The following PCDHA13 variants were observed in gnomAD, a reference collection of about 807,000 sequenced individuals.
The protein encoded by PCDHA13 is protocadherin alpha 13.
A neutral mutation model predicts 64.8 loss-of-function variants in PCDHA13; 54 were observed. The ratio of observed to expected loss-of-function variants is 0.83; its 90% confidence interval spans 0.67 to 1.04. The LOEUF (loss-of-function observed/expected upper bound fraction) is 1.04. PCDHA13 is among the 50% of genes least tolerant of loss of function. The probability of loss-of-function intolerance (pLI) is 0.00; values close to 1 mark genes in which losing one functional copy is unlikely to be tolerated. For synonymous variants in PCDHA13, 587 were observed against 564.4 expected (o/e 1.04, Z -0.57); for missense variants, 1,248 against 1,254.3 (o/e 0.99, Z 0.08).
chr5:140,913,518 A>G (rs1375122197), intron 1 of PCDHA13, among the ~76,000 whole-genome samples: 2 of 151,902 alleles, frequency 1.3e-5, no homozygotes, highest in Non-Finnish European at 2.9e-5. Context: ...AATTTTATTT[A>G]TCTTTTCAAA....
chr5:140,893,205 T>A (rs192969362), intron 1 of PCDHA13, among the ~76,000 whole-genome samples: 1 of 152,338 alleles, frequency 6.6e-6, no homozygotes, highest in East Asian at 1.9e-4. Context: ...CTGCAGTAAG[T>A]ATGGGAGGTG....
chr5:140,898,161 T>G (rs1208656854), intron 1 of PCDHA13, among the ~76,000 whole-genome samples: 1 of 152,216 alleles, frequency 6.6e-6, no homozygotes, highest in Non-Finnish European at 1.5e-5. Context: ...CTGATGGTGG[T>G]TTCTTTTGCT....
rs373714901 is a variant in PCDHA13, at chr5:140,898,150, G to T, written c.2394+13488G>T. 6.9e-3 allele frequency among the ~76,000 whole-genome samples: 1,047 copies of T among 152,166 alleles called. 8 individuals are homozygous for T. The highest frequency in any genetic ancestry group is 0.024 in the African/African-American group (1,013 of 41,482). ...CCCATTTTGTAGGTTGCCTGTTCAC[G>T]CTGATGGTGGTTTCTTTTGCTGTGC... On this transcript the variant is annotated intron_variant, in intron 1 of 3. Transcript: ENST00000289272.
intron 1 of PCDHA13, among the ~76,000 whole-genome samples, chr5:140,972,660 ATT>A (rs11350929): frequency 0.036 from 4,256 of 117,216 alleles, 192 homozygotes; most frequent in African/African-American, 0.13. Context: ...AAGAAACCAA[ATT>A]TTTTTTTTTT....
chr5:141,003,411 G>A (rs537266386), intron 3 of PCDHA13, among the ~76,000 whole-genome samples: 4 of 152,092 alleles, frequency 2.6e-5, no homozygotes, highest in Non-Finnish European at 4.4e-5. Context: ...TCCCGGGTTC[G>A]AGTGATTCTT....
chr5:140,968,632 C>T, intron 1 of PCDHA13: 1 of 1,614,176 alleles, frequency 6.2e-7, no homozygotes, highest in Non-Finnish European at 8.5e-7. Flanking sequence ...GGCTTTTTTA[C>T]CATCTAGCCC....
rs558801074 is a variant in PCDHA13 at position 140,931,826 on chromosome 5, G to A, written c.2395-47123G>A. On this transcript the variant is annotated intron_variant, in intron 1 of 3. Transcript: ENST00000289272. ...TCTTTAGAAAAGAATTCTTGTCATA[G>A]TATCCTGAATGCCTTAATAACAACA... Among the ~76,000 whole-genome samples, 28 of 151,962 alleles carry A rather than the reference G, an allele frequency of 1.8e-4. No homozygotes were observed. In the South Asian group the frequency reaches 5.4e-3, roughly 29 times the overall value.
intron 1 of PCDHA13, among the ~76,000 whole-genome samples, chr5:140,942,544 G>T (rs546340510): frequency 1.6e-4 from 24 of 152,000 alleles, no homozygotes; most frequent in Non-Finnish European, 2.9e-4. Context: ...TATGGTGGGG[G>T]GTAGGGGGTT....
intron 1 of PCDHA13, among the ~76,000 whole-genome samples, chr5:140,948,880 C>G (rs1430288840): frequency 6.6e-6 from 1 of 151,410 alleles, no homozygotes; most frequent in Non-Finnish European, 1.5e-5. Flanking sequence ...TTACTTTGCT[C>G]TCTTTTAGAT....
Position 140,944,942 on chromosome 5 carries a change from T to C in PCDHA13, c.2395-34007T>C, listed in dbSNP as rs564740183. Among the ~76,000 whole-genome samples the C allele has an allele frequency of 2.0e-4, 31 of 152,326 alleles. No individual in the cohort carries two copies. The South Asian group carries it at 3.7e-3, about 18-fold the overall frequency. On this transcript the variant is annotated intron_variant, in intron 1 of 3. Coordinates refer to ENST00000289272, the MANE Select transcript of PCDHA13 (RefSeq NM_018904.3). ...ATTGGTTTATGCCTTCTTTAGATGATTGTGAATAAGAGTATTATCTTAACC... is the reference window on the plus strand; with the variant it reads ...ATTGGTTTATGCCTTCTTTAGATGACTGTGAATAAGAGTATTATCTTAACC...
At chr5:140,981,289 C>G (rs1554242771) in intron 2 of PCDHA13, among the ~76,000 whole-genome samples, 1 of 152,138 alleles carries the variant, frequency 6.6e-6, no homozygotes, top group Non-Finnish European at 1.5e-5. Flanking sequence ...AAAGGGTCCT[C>G]TAGTCTAGGT....
intron 1 of PCDHA13, among the ~76,000 whole-genome samples, chr5:140,971,680 A>C (rs185214999): frequency 1.1e-4 from 17 of 152,268 alleles, no homozygotes; most frequent in African/African-American, 4.1e-4. Context: ...AGAGTAAGGG[A>C]ATTTGTACTC....
intron 3 of PCDHA13, among the ~76,000 whole-genome samples, chr5:141,003,969 G>A (rs781827494): frequency 2.0e-5 from 3 of 152,158 alleles, no homozygotes; most frequent in Non-Finnish European, 4.4e-5. Flanking sequence ...GAGCATAAGG[G>A]AGGGGACTTG....
chr5:140,939,551 G>A (rs2092410878), intron 1 of PCDHA13, among the ~76,000 whole-genome samples: 1 of 151,156 alleles, frequency 6.6e-6, no homozygotes, highest in African/African-American at 2.5e-5. Flanking sequence ...ATTTCTTGTT[G>A]TATTAGTTTG....
intron 1 of PCDHA13, among the ~76,000 whole-genome samples, chr5:140,960,324 G>A (rs2095540604): frequency 6.6e-6 from 1 of 152,168 alleles, no homozygotes; most frequent in Non-Finnish European, 1.5e-5. Context: ...AGGGTCCTGT[G>A]AGAAGTACAT....
At position 140,926,980 on chromosome 5, in the gene PCDHA13, A is replaced by T. The variant is rs781916280; in HGVS notation, c.2394+42318A>T. ...GCTCGAGTACTCAGTGCCGGAGGAG[A>T]CGGAGCGGGGCGTAGCCGTAGGCAA... On this transcript the variant is annotated intron_variant, in intron 1 of 3. Transcript: ENST00000289272. The T allele has an allele frequency of 1.9e-6, 3 of 1,610,246 alleles. No individual in the cohort carries two copies. The Admixed American group carries it at 5.0e-5, about 27-fold the overall frequency.
rs1338866234 is a variant in PCDHA13 at position 141,009,892 on chromosome 5, GAA to G, written c.2813_2814del (p.Lys938ArgfsTer8). ...AGAAGAAGGGTAACAAGACCCAGGA[GAA>G]AAAAGAGAAAGGGAACAGCACGACT... ...KKKKGNKTQE[K>X]KEKGNSTTDN... On this transcript the variant is annotated frameshift_variant, in exon 4 of 4. Coordinates refer to ENST00000289272, the MANE Select transcript of PCDHA13 (RefSeq NM_018904.3). LOFTEE classifies it high-confidence loss of function. The G allele has an allele frequency of 3.7e-6, 6 of 1,612,022 alleles. No individual in the cohort carries two copies. The Admixed American group carries it at 1.0e-4, about 27-fold the overall frequency.
Position 140,920,646 on chromosome 5 carries a change from C to T in PCDHA13, c.2394+35984C>T, listed in dbSNP as rs1210828369. Among the ~76,000 whole-genome samples, 4 of 152,014 alleles carry T rather than the reference C, an allele frequency of 2.6e-5. No individual in the cohort carries two copies. In the South Asian group the frequency reaches 8.3e-4, roughly 32 times the overall value. On this transcript the variant is annotated intron_variant, in intron 1 of 3. Coordinates refer to ENST00000289272, the MANE Select transcript of PCDHA13 (RefSeq NM_018904.3). ...GGATCACAAGGTCAAGAGATTGAGA[C>T]CATCCTTGCCAACATGGTGAAACCC...
chr5:140,927,733 C>T (rs782446148), intron 1 of PCDHA13: 7 of 1,614,198 alleles, frequency 4.3e-6, no homozygotes, highest in South Asian at 2.2e-5. Context: ...AGCAGAGCTG[C>T]GACACCGCTT....
Sources: allele counts gnomAD v4.1 joint callset (sites outside exome capture counted in the v4.1 genomes callset), GRCh38; gene constraint gnomAD v4.1.1; transcripts MANE v1.5; gene names NCBI Gene and HGNC (gene_info 2026-07-23, HGNC 2026-07-21).